The following HEATR5A variants were observed in gnomAD, a reference collection of about 807,000 sequenced individuals.
HEATR5A encodes HEAT repeat-containing protein 5A.
Under a neutral mutation model 218.8 loss-of-function variants are expected in HEATR5A, and 178 were observed. The ratio of observed to expected loss-of-function variants is 0.81; its 90% CI spans 0.72 to 0.92. HEATR5A has a LOEUF of 0.92. HEATR5A is among the 40% of genes least tolerant of loss of function. The pLI is 0.00. For synonymous variants in HEATR5A, 864 were observed against 871.6 expected (o/e 0.99, Z 0.15); for missense variants, 2,420 against 2,418.9 (o/e 1.00, Z -0.01).
intron 1 of HEATR5A, among the ~76,000 whole-genome samples, chr14:31,418,515 C>A (rs1289449768): frequency 6.6e-6 from 1 of 152,144 alleles, no homozygotes; most frequent in Admixed American, 6.5e-5. Context: ...TATTTTAATT[C>A]AAAAATTTAA....
intron 16 of HEATR5A, among the ~76,000 whole-genome samples, chr14:31,354,040 C>T (rs1901331271): frequency 6.6e-6 from 1 of 151,994 alleles, no homozygotes; most frequent in African/African-American, 2.4e-5. Context: ...GCCTCGTGAT[C>T]CGCCCGCCTC....
chr14:31,359,729 C>CAAAAAAAAAAAAAAAAAAA (rs376157768), intron 14 of HEATR5A, among the ~76,000 whole-genome samples: 1 of 32,198 alleles, frequency 3.1e-5, no homozygotes, highest in African/African-American at 8.3e-5. Context: ...CATCTCAAGA[C>CAAAAAAAAAAAAAAAAAAA]AAAAAAAAAA....
Position 31,380,574 on chromosome 14 carries a change from A to C in HEATR5A, c.1601T>G (p.Ile534Ser). 5.7e-6 allele frequency: 9 copies of C among 1,581,984 alleles called. No individual in the cohort carries two copies. The highest frequency in any genetic ancestry group is 7.7e-6 in the Non-Finnish European group (9 of 1,161,670). The change falls in exon 11 of 36, where the codon ATT (isoleucine) becomes AGT (serine). Residue 534 changes from isoleucine to serine, a missense_variant. Transcript: ENST00000543095. Reference sequence around the variant, plus strand: ...CAGCAAATCCTCTGCTAATGTCATAATAATCTATTTACATATAGAACAAGT... The same window carrying C: ...CAGCAAATCCTCTGCTAATGTCATACTAATCTATTTACATATAGAACAAGT... ...LGIPHGKGKI[I>S]MTLAEDLLCS... is the part of the protein sequence containing the mutation.
At chr14:31,415,607 T>C (rs1230665987) in intron 1 of HEATR5A, among the ~76,000 whole-genome samples, 1 of 152,242 alleles carries the variant, frequency 6.6e-6, no homozygotes, top group Non-Finnish European at 1.5e-5. Flanking sequence ...TTTGTACGTG[T>C]ATATCTGCTT....
intron 16 of HEATR5A, 30 bp from the exon 17 acceptor site, chr14:31,350,747 C>T (rs748176338): frequency 8.3e-7 from 1 of 1,205,966 alleles, no homozygotes; most frequent in South Asian, 1.3e-5. Flanking sequence ...GATTTAAAAG[C>T]AAGTAGGTAA....
intron 22 of HEATR5A, among the ~76,000 whole-genome samples, chr14:31,336,223 T>C (rs1355410127): frequency 8.6e-3 from 57 of 6,644 alleles, no homozygotes; most frequent in Middle Eastern, 0.05. Context: ...CATACATATA[T>C]ATATATATAT....
chr14:31,305,119 G>A lies in HEATR5A; in HGVS notation c.5025C>T (p.Thr1675=), dbSNP rs745933927. 27 of 1,613,750 alleles carry A rather than the reference G, an allele frequency of 1.7e-5. No homozygotes were observed. The highest frequency in any genetic ancestry group is 1.0e-4 in the Admixed American group (6 of 59,992). ...TLPEFGEGKD[T]GGLVPGKSLV... Reference sequence around the variant, plus strand: ...AAGACTTTCCAGGCACAAGTCCTCCGGTGTCCTTTCCCTCTCCAAACTCTG... The same window carrying A: ...AAGACTTTCCAGGCACAAGTCCTCCAGTGTCCTTTCCCTCTCCAAACTCTG... Residue 1675 remains threonine, a synonymous_variant, in exon 32 of 36, where the codon ACC becomes ACT. Coordinates refer to ENST00000543095, the MANE Select transcript of HEATR5A (RefSeq NM_015473.4).
At position 31,350,714 on chromosome 14, in the gene HEATR5A, A is replaced by C; in HGVS notation, c.2415T>G (p.Leu805=). 8 of 1,490,814 alleles carry C rather than the reference A, an allele frequency of 5.4e-6. No homozygotes were observed. Among genetic ancestry groups the C allele is most frequent in the Admixed American group, 1.9e-5 (1 of 52,770 alleles). 92.3% of individuals were successfully genotyped at this position (1,490,814 alleles called of 1,614,324 possible). The stretch of plus-strand genomic sequence containing the variant: ...TGTCCAAAAGCTGTTCCAATATAAG[A>C]AGCCTACAATCAGAAATAACAGGAT... ...VCAHVGETQR[L]LILEQLLDSI... The change falls in exon 17 of 36, where the codon CTT becomes CTG. Residue 805 remains leucine (L), a synonymous_variant. Coordinates refer to ENST00000543095, the MANE Select transcript of HEATR5A (RefSeq NM_015473.4).
intron 4 of HEATR5A, 59 bp downstream of exon 4, chr14:31,398,614 A>G: frequency 1.1e-6 from 1 of 874,404 alleles, no homozygotes; most frequent in Non-Finnish European, 1.8e-6. Flanking sequence ...TTGCTCAGGA[A>G]AGCATAAACC....
At chr14:31,323,100 G>A (rs1478129956) in intron 24 of HEATR5A, among the ~76,000 whole-genome samples, 1 of 152,108 alleles carries the variant, frequency 6.6e-6, no homozygotes, top group African/African-American at 2.4e-5. Context: ...ACTAGTAAAT[G>A]TTCATACTAT....
chr14:31,336,653 T>C (rs1400972255), intron 22 of HEATR5A, among the ~76,000 whole-genome samples: 1 of 152,192 alleles, frequency 6.6e-6, no homozygotes, highest in Non-Finnish European at 1.5e-5. Context: ...TTAAAAACTC[T>C]TTAACTTGTA....
intron 25 of HEATR5A, among the ~76,000 whole-genome samples, chr14:31,319,861 A>G (rs1900032007): frequency 6.6e-6 from 1 of 152,128 alleles, no homozygotes; most frequent in Non-Finnish European, 1.5e-5. Context: ...CCTGCGCAAC[A>G]TGGTAAAACC....
At chr14:31,320,052 A>G (rs955356869) in intron 25 of HEATR5A, among the ~76,000 whole-genome samples, 1 of 152,162 alleles carries the variant, frequency 6.6e-6, no homozygotes, top group South Asian at 2.1e-4. Context: ...ATCATTTCCT[A>G]AGTCTAGAAA....
In HEATR5A at chr14:31,386,358, C is replaced by A; in HGVS notation, c.1345+62G>T. On this transcript the variant is annotated intron_variant, in intron 9 of 35. Coordinates refer to ENST00000543095, the MANE Select transcript of HEATR5A (RefSeq NM_015473.4). ...CTATAAGTAAGCTATATGAAGATTT[C>A]CTTCCTTGGAACAAAGTTATCTAGT... 1 of 1,301,646 alleles carries A rather than the reference C, an allele frequency of 7.7e-7. No homozygotes were observed. The highest frequency in any genetic ancestry group is 1.1e-6 in the Non-Finnish European group (1 of 939,558). The allele number at this position is 1,301,646 out of a possible 1,614,324, so 80.6% of individuals were successfully genotyped here.
At chr14:31,314,094 C>T (rs190287979) in intron 27 of HEATR5A, among the ~76,000 whole-genome samples, 3 of 150,790 alleles carry the variant, frequency 2.0e-5, no homozygotes, top group South Asian at 2.1e-4. Context: ...ATTACAGGTG[C>T]GCACCACCAT....
chr14:31,383,540 A>T lies in HEATR5A; in HGVS notation c.1577T>A (p.Ile526Asn). 6.2e-7 allele frequency: 1 copy of T among 1,612,180 alleles called. No individual in the cohort carries two copies. Among genetic ancestry groups the T allele is most frequent in the Non-Finnish European group, 8.5e-7 (1 of 1,178,418 alleles). Residue 526 changes from isoleucine to asparagine, a missense_variant, in exon 10 of 36, where the codon ATT (isoleucine) becomes AAT (asparagine). Transcript: ENST00000543095. ...CATTACCTTGCCTTTTCCATGAGGA[A>T]TTCCTAAAGGACAATGTTTTACTGC... is the stretch of plus-strand genomic sequence containing the variant. ...LGAVKHCPLGIPHGKGKIIMT... is the reference protein window; with the variant it reads ...LGAVKHCPLGNPHGKGKIIMT...
chr14:31,327,413 C>T (rs1375539724), intron 22 of HEATR5A, among the ~76,000 whole-genome samples: 1 of 150,632 alleles, frequency 6.6e-6, no homozygotes, highest in African/African-American at 2.5e-5. Context: ...CCTGTCTCAG[C>T]CTGCTGAGTA....
chr14:31,335,268 C>T (rs1900614895), intron 22 of HEATR5A, among the ~76,000 whole-genome samples: 1 of 152,058 alleles, frequency 6.6e-6, no homozygotes, highest in African/African-American at 2.4e-5. Flanking sequence ...TGGAACCAAA[C>T]CCACAATACT....
intron 33 of HEATR5A, chr14:31,297,519 T>C (rs982407564): frequency 2.0e-5 from 3 of 151,008 alleles, no homozygotes; most frequent in Admixed American, 2.0e-4. Flanking sequence ...ACATTCAAAG[T>C]AGCTCAGGAC....
Sources: allele counts gnomAD v4.1 joint callset (sites outside exome capture counted in the v4.1 genomes callset), GRCh38; gene constraint gnomAD v4.1.1; transcripts MANE v1.5; gene names NCBI Gene and HGNC (gene_info 2026-07-23, HGNC 2026-07-21).